The following DHRS7B variants were observed in gnomAD, a reference collection of about 807,000 sequenced individuals.
The protein encoded by DHRS7B is dehydrogenase/reductase 7B, also known as peroxisomal reductase activating PPAR-gamma.
DHRS7B carries 24 observed loss-of-function variants against 26.4 expected under a neutral mutation model. The observed-to-expected ratio is 0.91, with a 90% CI of 0.66 to 1.28. The LOEUF (loss-of-function observed/expected upper bound fraction) is 1.28. DHRS7B is among the 50% of genes most tolerant of loss of function. DHRS7B has a pLI of 0.00. For missense variants in DHRS7B, 368 were observed against 419.4 expected (o/e 0.88, Z 1.07); for synonymous variants, 142 against 166.4 (o/e 0.85, Z 1.13).
chr17:21,164,272 C>A (rs1974062922), intron 1 of DHRS7B, among the ~76,000 whole-genome samples: 1 of 151,914 alleles, frequency 6.6e-6, no homozygotes. Flanking sequence ...CTCAAGCAGT[C>A]CTCCCGCCTC....
intron 1 of DHRS7B, among the ~76,000 whole-genome samples, chr17:21,151,281 T>C (rs1973764849): frequency 6.6e-6 from 1 of 151,616 alleles, no homozygotes. Context: ...CCTAGGCAGG[T>C]GGATCATGAG....
Position 21,178,235 on chromosome 17 carries a change from T to C in DHRS7B, c.202T>C (p.Cys68Arg), listed in dbSNP as rs190857040. The change falls in exon 3 of 7, where the codon TGT becomes CGT. Residue 68 changes from cysteine to arginine, a missense_variant and splice_region_variant. By Grantham distance (180) the Cys-to-Arg change is radical. Transcript: ENST00000395511. ...TGATSGLGKECAKVFYAAGAK... is the reference protein window; with the variant it reads ...TGATSGLGKERAKVFYAAGAK... ...AAGGCTCTTTTCTCTTCCCTTAGAA[T>C]GTGCAAAAGTCTTCTATGCTGCGGG... The C allele has an allele frequency of 4.3e-6, 7 of 1,614,166 alleles. No homozygotes were observed. The highest frequency in any genetic ancestry group is 2.2e-5 in the East Asian group (1 of 44,884).
intron 1 of DHRS7B, among the ~76,000 whole-genome samples, chr17:21,170,806 TCC>T (rs1974223422): frequency 1.3e-5 from 2 of 152,246 alleles, no homozygotes; most frequent in East Asian, 3.9e-4. Flanking sequence ...TCCACAGTGT[TCC>T]TGGCTTCACT....
intron 1 of DHRS7B, among the ~76,000 whole-genome samples, chr17:21,134,277 G>T (rs1973296906): frequency 6.6e-6 from 1 of 152,170 alleles, no homozygotes. Flanking sequence ...ATACAGTGCA[G>T]CAAGAATAAT....
At chr17:21,127,829 A>C (rs1973134147) in intron 1 of DHRS7B, 3 of 152,184 alleles carry the variant, frequency 2.0e-5, no homozygotes, top group Admixed American at 2.0e-4. Context: ...ACATTTAGTA[A>C]GCAGAATTCT....
At chr17:21,158,439 A>G (rs1973926719) in intron 1 of DHRS7B, among the ~76,000 whole-genome samples, 1 of 152,254 alleles carries the variant, frequency 6.6e-6, no homozygotes. Flanking sequence ...TAATGTATAA[A>G]CATGAATCAC....
intron 1 of DHRS7B, among the ~76,000 whole-genome samples, chr17:21,156,235 T>C (rs1436141763): frequency 6.6e-6 from 1 of 152,096 alleles, no homozygotes; most frequent in Non-Finnish European, 1.5e-5. Context: ...GAAAGTTAGC[T>C]AAAAAACTAA....
chr17:21,187,240 G>T (rs934520358), intron 5 of DHRS7B, among the ~76,000 whole-genome samples: 1 of 151,844 alleles, frequency 6.6e-6, no homozygotes, highest in Non-Finnish European at 1.5e-5. Context: ...AGGATTGCTT[G>T]AGGCCAGGAA....
intron 2 of DHRS7B, among the ~76,000 whole-genome samples, chr17:21,176,416 C>T (rs1974380654): frequency 6.6e-6 from 1 of 151,984 alleles, no homozygotes; most frequent in South Asian, 2.1e-4. Flanking sequence ...GCCTGGGCAA[C>T]ATGGCAAAAT....
intron 1 of DHRS7B, among the ~76,000 whole-genome samples, chr17:21,139,035 C>T (rs1467970797): frequency 6.6e-6 from 1 of 152,182 alleles, no homozygotes; most frequent in Non-Finnish European, 1.5e-5. Flanking sequence ...CCTAACTAAA[C>T]TTCATCTTGC....
intron 5 of DHRS7B, among the ~76,000 whole-genome samples, chr17:21,186,445 A>G (rs188466349): frequency 2.8e-4 from 42 of 152,308 alleles, no homozygotes; most frequent in African/African-American, 9.9e-4. Flanking sequence ...TACTCTTGGA[A>G]TCATGGCTGA....
intron 1 of DHRS7B, among the ~76,000 whole-genome samples, chr17:21,132,336 TAAAA>T (rs56350315): frequency 3.1e-4 from 42 of 133,864 alleles, no homozygotes; most frequent in African/African-American, 9.9e-4. Flanking sequence ...CCCCATCTCT[TAAAA>T]AAAAAAAAAT....
chr17:21,145,911 C>T (rs1380099980), intron 1 of DHRS7B, among the ~76,000 whole-genome samples: 2 of 152,162 alleles, frequency 1.3e-5, no homozygotes, highest in Non-Finnish European at 2.9e-5. Context: ...TTTATTGAGA[C>T]AATCCCATGT....
At chr17:21,171,071 G>A (rs958781695) in intron 1 of DHRS7B, among the ~76,000 whole-genome samples, 2 of 152,062 alleles carry the variant, frequency 1.3e-5, no homozygotes, top group African/African-American at 4.8e-5. Flanking sequence ...TTGTCTCATA[G>A]ACTCTGGCTC....
intron 1 of DHRS7B, among the ~76,000 whole-genome samples, chr17:21,138,101 TACAC>T (rs370861401): frequency 2.6e-4 from 22 of 86,110 alleles, no homozygotes; most frequent in African/African-American, 8.5e-4. Flanking sequence ...TATATATATA[TACAC>T]ACACACACAC....
chr17:21,176,086 G>C lies in DHRS7B; in HGVS notation c.200-2147G>C, dbSNP rs531365878. On this transcript the variant is annotated intron_variant, in intron 2 of 6. Coordinates refer to ENST00000395511, the MANE Select transcript of DHRS7B (RefSeq NM_015510.5). ...GATCATGGCTCACTTGACTTCCCAGGCTCAAGGGATCCTCCCACCTTAGCC... is the reference window on the plus strand; with the variant it reads ...GATCATGGCTCACTTGACTTCCCAGCCTCAAGGGATCCTCCCACCTTAGCC... Among the ~76,000 whole-genome samples the C allele has an allele frequency of 1.5e-3, 225 of 152,096 alleles. 1 individual carries two copies. Among genetic ancestry groups the C allele is most frequent in the African/African-American group, 5.1e-3 (211 of 41,518 alleles).
intron 2 of DHRS7B, among the ~76,000 whole-genome samples, chr17:21,175,736 T>C (rs1974361223): frequency 6.6e-6 from 1 of 151,920 alleles, no homozygotes; most frequent in East Asian, 1.9e-4. Flanking sequence ...TCAGGAGTTC[T>C]AGAGCAGCCT....
intron 1 of DHRS7B, among the ~76,000 whole-genome samples, chr17:21,152,631 G>GA (rs58686632): frequency 2.0e-5 from 3 of 152,108 alleles, no homozygotes; most frequent in African/African-American, 4.8e-5. Context: ...AGAGGGAGGG[G>GA]AAAAAAAATC....
At chr17:21,158,584 T>A (rs1973929478) in intron 1 of DHRS7B, among the ~76,000 whole-genome samples, 1 of 152,248 alleles carries the variant, frequency 6.6e-6, no homozygotes, top group Admixed American at 6.5e-5. Flanking sequence ...TGTTCACAGA[T>A]AGAACAACTC....
Sources: allele counts gnomAD v4.1 joint callset (sites outside exome capture counted in the v4.1 genomes callset), GRCh38; gene constraint gnomAD v4.1.1; transcripts MANE v1.5; gene names NCBI Gene and HGNC (gene_info 2026-07-23, HGNC 2026-07-21).